The following SLC6A11 variants were observed in gnomAD, a reference collection of about 807,000 sequenced individuals.
The protein encoded by SLC6A11 is sodium- and chloride-dependent GABA transporter 3.
In SLC6A11, 25 loss-of-function variants were observed where a neutral mutation model predicts 74.8. The ratio of observed to expected loss-of-function variants is 0.33; its 90% CI spans 0.24 to 0.47. The LOEUF (loss-of-function observed/expected upper bound fraction) is 0.47. Ranked by LOEUF, SLC6A11 falls within the 20% of genes least tolerant of loss-of-function variation. SLC6A11 has a pLI of 1.00. For synonymous variants in SLC6A11, 330 were observed against 330.2 expected (o/e 1.00, Z 0.01); for missense variants, 574 against 837.0 (o/e 0.69, Z 3.88).
intron 6 of SLC6A11, among the ~76,000 whole-genome samples, chr3:10,911,191 G>T (rs1347595676): frequency 1.3e-5 from 2 of 152,194 alleles, no homozygotes; most frequent in South Asian, 2.1e-4. Flanking sequence ...TACATTGAGA[G>T]GTCAGTAAGT....
intron 3 of SLC6A11, among the ~76,000 whole-genome samples, chr3:10,821,068 T>G (rs560066384): frequency 6.6e-6 from 1 of 152,320 alleles, no homozygotes; most frequent in South Asian, 2.1e-4. Context: ...TGTTGCATTT[T>G]GTGGAGCTTT....
intron 5 of SLC6A11, among the ~76,000 whole-genome samples, chr3:10,849,275 A>T (rs570779972): frequency 2.0e-5 from 3 of 152,366 alleles, no homozygotes; most frequent in Admixed American, 6.5e-5. Flanking sequence ...GATGATACAA[A>T]GTTTCACTTT....
intron 5 of SLC6A11, among the ~76,000 whole-genome samples, chr3:10,848,828 G>C (rs1266361294): frequency 6.6e-6 from 1 of 152,220 alleles, no homozygotes; most frequent in African/African-American, 2.4e-5. Context: ...GCCTGTCAGA[G>C]TTGGGAGGCA....
At chr3:10,834,195 C>G (rs917932493) in intron 4 of SLC6A11, among the ~76,000 whole-genome samples, 1 of 152,180 alleles carries the variant, frequency 6.6e-6, no homozygotes, top group Non-Finnish European at 1.5e-5. Context: ...GGTCTGAAAC[C>G]CAGCCATCTG....
At chr3:10,871,699 T>C (rs1694830123) in intron 5 of SLC6A11, among the ~76,000 whole-genome samples, 1 of 152,222 alleles carries the variant, frequency 6.6e-6, no homozygotes, top group Non-Finnish European at 1.5e-5. Context: ...ATTACTGGCC[T>C]CTTATTTTTA....
At chr3:10,914,344 C>T (rs1695426793) in intron 7 of SLC6A11, among the ~76,000 whole-genome samples, 1 of 152,192 alleles carries the variant, frequency 6.6e-6, no homozygotes. Context: ...ATTATGAACT[C>T]ACTTGTTAAG....
At chr3:10,882,598 C>A (rs1453649024) in intron 6 of SLC6A11, among the ~76,000 whole-genome samples, 1 of 152,062 alleles carries the variant, frequency 6.6e-6, no homozygotes, top group Non-Finnish European at 1.5e-5. Flanking sequence ...TTGAATGAAT[C>A]GAAGGAAGGA....
At chr3:10,909,489 G>T (rs902168673) in intron 6 of SLC6A11, among the ~76,000 whole-genome samples, 8 of 152,174 alleles carry the variant, frequency 5.3e-5, no homozygotes, top group South Asian at 2.1e-4. Flanking sequence ...ACCATGTTAG[G>T]GGGAGGGTCC....
intron 5 of SLC6A11, among the ~76,000 whole-genome samples, chr3:10,864,994 T>C (rs1484535265): frequency 3.3e-5 from 5 of 152,236 alleles, no homozygotes; most frequent in African/African-American, 1.2e-4. Context: ...CCAGTGTCCC[T>C]CACAGCTGAG....
intron 5 of SLC6A11, 125 bp downstream of exon 5, chr3:10,844,471 A>T (rs1249750997): frequency 8.6e-7 from 1 of 1,169,414 alleles, no homozygotes; most frequent in Admixed American, 2.0e-5. Context: ...GGGGAGGAAC[A>T]CTGGACCAGA....
intron 5 of SLC6A11, among the ~76,000 whole-genome samples, chr3:10,873,408 T>A (rs1404374746): frequency 7.8e-6 from 1 of 128,254 alleles, no homozygotes; most frequent in Non-Finnish European, 1.6e-5. Context: ...TGCTATCCTA[T>A]CCTATCCTAT....
chr3:10,935,216 A>T lies in SLC6A11; in HGVS notation c.1746+17A>T, dbSNP rs1695745073. ...CTGCCCGAGGTGAGACCGCCCCAGG[A>T]GGGCTGGTGCGTTTGGGCAGGGTTC... On this transcript the variant is annotated intron_variant, in intron 13 of 13. Coordinates refer to ENST00000254488, the MANE Select transcript of SLC6A11 (RefSeq NM_014229.3). The T allele has an allele frequency of 1.9e-6, 3 of 1,612,730 alleles. No homozygotes were observed. The highest frequency in any genetic ancestry group is 2.5e-6 in the Non-Finnish European group (3 of 1,179,096).
intron 6 of SLC6A11, among the ~76,000 whole-genome samples, chr3:10,883,103 T>G (rs1452342951): frequency 1.3e-5 from 2 of 152,152 alleles, no homozygotes; most frequent in African/African-American, 2.4e-5. Context: ...AGGACCTTTA[T>G]TGTGGATCCA....
intron 4 of SLC6A11, among the ~76,000 whole-genome samples, chr3:10,834,711 G>C (rs1300301203): frequency 2.0e-5 from 3 of 152,194 alleles, no homozygotes; most frequent in Admixed American, 1.3e-4. Context: ...AGAAGCGCCA[G>C]AGCTGGGGCA....
At chr3:10,850,470 A>G (rs954779182) in intron 5 of SLC6A11, among the ~76,000 whole-genome samples, 3 of 152,186 alleles carry the variant, frequency 2.0e-5, no homozygotes, top group Non-Finnish European at 4.4e-5. Flanking sequence ...GGGTAGAAAG[A>G]TGGAAAATAA....
intron 5 of SLC6A11, among the ~76,000 whole-genome samples, chr3:10,860,361 A>C (rs1021897656): frequency 2.0e-5 from 3 of 152,220 alleles, no homozygotes; most frequent in Non-Finnish European, 2.9e-5. Flanking sequence ...GATTTCAGAG[A>C]TAATAAGGTG....
chr3:10,877,235 G>A (rs1694919837), intron 6 of SLC6A11, among the ~76,000 whole-genome samples: 1 of 152,240 alleles, frequency 6.6e-6, no homozygotes, highest in East Asian at 1.9e-4. Flanking sequence ...GGACCCCTGT[G>A]TCGGGGGGTG....
intron 6 of SLC6A11, among the ~76,000 whole-genome samples, chr3:10,899,571 T>C (rs1350343120): frequency 1.3e-5 from 2 of 152,246 alleles, no homozygotes; most frequent in Non-Finnish European, 2.9e-5. Flanking sequence ...CTCAGCCTCT[T>C]GCTTAGAAGC....
rs571031292 is a variant in SLC6A11 at position 10,847,490 on chromosome 3, G to C, written c.756+3144G>C. ...AAGGCCAGCATTAGTGTCTTGGATGGGATGCGGTTTGCTGGAGCTGTAAAA... is the reference window on the plus strand; with the variant it reads ...AAGGCCAGCATTAGTGTCTTGGATGCGATGCGGTTTGCTGGAGCTGTAAAA... On this transcript the variant is annotated intron_variant, in intron 5 of 13. Transcript: ENST00000254488. 3.3e-5 allele frequency among the ~76,000 whole-genome samples: 5 copies of C among 152,292 alleles called. No homozygotes were observed. The South Asian group carries it at 8.3e-4, about 25-fold the overall frequency.
Sources: allele counts gnomAD v4.1 joint callset (sites outside exome capture counted in the v4.1 genomes callset), GRCh38; gene constraint gnomAD v4.1.1; transcripts MANE v1.5; gene names NCBI Gene and HGNC (gene_info 2026-07-23, HGNC 2026-07-21).